Variants in MARCHF10 observed in about 807,000 individuals in gnomAD.
MARCHF10 encodes membrane associated ring-CH-type finger 10.
A neutral mutation model predicts 76.2 loss-of-function variants in MARCHF10; 64 were observed. The observed-to-expected ratio is 0.84, with a 90% CI of 0.69 to 1.03. The LOEUF is 1.03. Among genes scored for constraint, MARCHF10 ranks in the 50% least tolerant of loss-of-function variants. The probability of loss-of-function intolerance (pLI) is 0.00; values close to 1 mark genes in which losing one functional copy is unlikely to be tolerated. For synonymous variants in MARCHF10, 340 were observed against 357.5 expected, an observed-to-expected ratio of 0.95 and a Z score of 0.55; for missense variants, 875 against 958.0, an observed-to-expected ratio of 0.91 and a Z score of 1.14.
rs145811662 is a variant in MARCHF10, at chr17:62,716,227, G to A, written c.2215-4883C>T. ...TCGCTGCTGGTCGGTAGGGCCCTGC[G>A]GGTCTTGGGTACGGCAGCATTTTCG... On this transcript the variant is annotated intron_variant, in intron 8 of 10. Transcript: ENST00000311269. Among the ~76,000 whole-genome samples the A allele has an allele frequency of 2.2e-3, 329 of 152,252 alleles. 1 individual carries two copies. The highest frequency in any genetic ancestry group is 7.4e-3 in the African/African-American group (309 of 41,544).
At chr17:62,804,448 G>C (rs541681070) in intron 1 of MARCHF10, among the ~76,000 whole-genome samples, 1 of 151,996 alleles carries the variant, frequency 6.6e-6, no homozygotes, top group Admixed American at 6.6e-5. Context: ...GAAACTCTGC[G>C]GAAAAAAAAG....
chr17:62,725,223 C>G (rs913397295), intron 6 of MARCHF10, 119 bp from the exon 7 acceptor site: 3 of 824,756 alleles, frequency 3.6e-6, no homozygotes, highest in South Asian at 2.1e-5. Context: ...CCCGCTGCCC[C>G]CTCTGACCCT....
intron 3 of MARCHF10, among the ~76,000 whole-genome samples, chr17:62,766,487 C>T (rs1214033566): frequency 2.7e-5 from 4 of 150,924 alleles, no homozygotes; most frequent in East Asian, 3.9e-4. Flanking sequence ...GCAACAAGAG[C>T]GAAACTCCGT....
At chr17:62,792,919 A>C (rs1350375281) in intron 2 of MARCHF10, among the ~76,000 whole-genome samples, 13 of 109,654 alleles carry the variant, frequency 1.2e-4, no homozygotes, top group African/African-American at 1.4e-4. Context: ...CCACCACCAC[A>C]ACCATTACCA....
chr17:62,751,035 G>C (rs1477059644), intron 4 of MARCHF10, among the ~76,000 whole-genome samples: 1 of 152,206 alleles, frequency 6.6e-6, no homozygotes, highest in Non-Finnish European at 1.5e-5. Context: ...AGAAAGGAGA[G>C]AGATCCCGGC....
At chr17:62,792,328 G>A (rs1432979116) in intron 2 of MARCHF10, among the ~76,000 whole-genome samples, 2 of 152,122 alleles carry the variant, frequency 1.3e-5, no homozygotes, top group East Asian at 3.9e-4. Flanking sequence ...GTGACCTTGG[G>A]CGAGCTGACT....
intron 8 of MARCHF10, among the ~76,000 whole-genome samples, chr17:62,718,814 A>C (rs78285456): frequency 0.016 from 2,439 of 152,158 alleles, 52 homozygotes; most frequent in African/African-American, 0.056. Flanking sequence ...TTTATTTCTC[A>C]AGAAGTCCTT....
At chr17:62,782,386 C>T (rs1240595512) in intron 3 of MARCHF10, among the ~76,000 whole-genome samples, 5 of 129,126 alleles carry the variant, frequency 3.9e-5, no homozygotes, top group Admixed American at 2.8e-4. Flanking sequence ...CTCGCTCTGT[C>T]GCCCAGGGTG....
intron 3 of MARCHF10, among the ~76,000 whole-genome samples, chr17:62,785,324 T>C (rs891637338): frequency 3.9e-5 from 6 of 152,222 alleles, no homozygotes; most frequent in Non-Finnish European, 5.9e-5. Context: ...GCTAGCCATA[T>C]GTAGAAAGCT....
At position 62,736,242 on chromosome 17, in the gene MARCHF10, C is replaced by T. The variant is rs376907080; in HGVS notation, c.1626G>A (p.Arg542=). The change falls in exon 6 of 11, where the codon AGG becomes AGA. Residue 542 remains arginine, a synonymous_variant. Coordinates refer to ENST00000311269, the MANE Select transcript of MARCHF10 (RefSeq NM_152598.4). ...PVNSAHEFAV[R]EAEDTTLTSQ... is the part of the protein sequence containing the mutation. ...TTGTTAAAGTAGTATCTTCTGCTTC[C>T]CTGACAGCAAATTCGTGTGCACTGT... The T allele has an allele frequency of 1.9e-6, 3 of 1,614,010 alleles. No individual in the cohort carries two copies. Among genetic ancestry groups the T allele is most frequent in the Non-Finnish European group, 2.5e-6 (3 of 1,180,042 alleles).
chr17:62,726,109 T>C (rs932597584), intron 6 of MARCHF10: 1 of 152,204 alleles, frequency 6.6e-6, no homozygotes, highest in Admixed American at 6.5e-5. Flanking sequence ...CATTCCAGAA[T>C]GTAAGCGGCT....
chr17:62,752,184 C>A (rs2147908139), intron 4 of MARCHF10, among the ~76,000 whole-genome samples: 1 of 152,208 alleles, frequency 6.6e-6, no homozygotes, highest in Non-Finnish European at 1.5e-5. Context: ...TTTTCTCTCT[C>A]TAGCTGTCTT....
At chr17:62,768,293 T>C (rs1329912590) in intron 3 of MARCHF10, among the ~76,000 whole-genome samples, 1 of 151,934 alleles carries the variant, frequency 6.6e-6, no homozygotes, top group Non-Finnish European at 1.5e-5. Flanking sequence ...CGGAGGTGGG[T>C]GGATCAAGAG....
Position 62,808,109 on chromosome 17 carries a change from T to C in MARCHF10, c.-50A>G, listed in dbSNP as rs1181579136. The C allele has an allele frequency of 3.8e-4, 23 of 60,298 alleles. No individual in the cohort carries two copies. In the Admixed American group the frequency reaches 5.7e-3, roughly 15 times the overall value. The allele number at this position is 60,298 out of a possible 1,614,324, so 3.7% of individuals were successfully genotyped here. A position where few individuals can be genotyped will look rare whatever the true frequency, so the allele number is the denominator to read the frequency against. Reference sequence around the variant, plus strand: ...TCTGCCCTTCCTCCCCTGCCGGGGCTACAGGGGTCGAGGGGCTGGGCGGGC... The same window carrying C: ...TCTGCCCTTCCTCCCCTGCCGGGGCCACAGGGGTCGAGGGGCTGGGCGGGC... On this transcript the variant is annotated 5_prime_UTR_variant, in exon 1 of 11. An upstream open reading frame in the 5' UTR loses its in-frame stop. Transcript: ENST00000311269.
At chr17:62,741,516 C>T (rs2091503387) in intron 5 of MARCHF10, among the ~76,000 whole-genome samples, 1 of 152,116 alleles carries the variant, frequency 6.6e-6, no homozygotes, top group African/African-American at 2.4e-5. Context: ...CAGGAATGTT[C>T]GTTGTTAGTT....
chr17:62,787,032 A>C (rs1000159338), intron 3 of MARCHF10, among the ~76,000 whole-genome samples: 136 of 152,252 alleles, frequency 8.9e-4, no homozygotes, highest in African/African-American at 3.2e-3. Context: ...TGTTCTAGTC[A>C]AACTAGATTT....
intron 8 of MARCHF10, among the ~76,000 whole-genome samples, chr17:62,718,620 A>T (rs1466951357): frequency 1.3e-5 from 2 of 152,172 alleles, no homozygotes; most frequent in African/African-American, 4.8e-5. Flanking sequence ...ATTTCTTGAG[A>T]TGAACCTGTC....
chr17:62,733,685 G>A (rs1046319332), intron 6 of MARCHF10, among the ~76,000 whole-genome samples: 5 of 152,178 alleles, frequency 3.3e-5, no homozygotes, highest in African/African-American at 4.8e-5. Context: ...GGACACGAAT[G>A]TCCATTGACA....
chr17:62,793,419 C>T (rs1252463416), intron 2 of MARCHF10, among the ~76,000 whole-genome samples: 1 of 147,302 alleles, frequency 6.8e-6, no homozygotes, highest in African/African-American at 2.5e-5. Flanking sequence ...CCACCATCAC[C>T]TCCATCACTA....
Sources: allele counts gnomAD v4.1 joint callset (sites outside exome capture counted in the v4.1 genomes callset), GRCh38; gene constraint gnomAD v4.1.1; transcripts MANE v1.5; gene names NCBI Gene and HGNC (gene_info 2026-07-23, HGNC 2026-07-21).